Variants in KDM2B observed in about 807,000 individuals in gnomAD.
KDM2B encodes lysine demethylase 2B.
A neutral mutation model predicts 150.0 loss-of-function variants in KDM2B; 26 were observed. The observed-to-expected ratio is 0.17, with a 90% confidence interval of 0.13 to 0.24. The LOEUF (loss-of-function observed/expected upper bound fraction) is 0.24. KDM2B is among the 10% of genes least tolerant of loss of function. The pLI is 1.00. For missense variants in KDM2B, 1,265 were observed against 1,816.9 expected, an observed-to-expected ratio of 0.70 and a Z score of 5.52; for synonymous variants, 734 against 729.5, an observed-to-expected ratio of 1.01 and a Z score of -0.10.
At chr12:121,490,712 G>A (rs1435302858) in intron 12 of KDM2B, among the ~76,000 whole-genome samples, 3 of 152,168 alleles carry the variant, frequency 2.0e-5, no homozygotes, top group African/African-American at 2.4e-5. Flanking sequence ...TACACCACTC[G>A]TGGAAACAGC....
At chr12:121,571,785 G>T (rs1400650339) in intron 4 of KDM2B, among the ~76,000 whole-genome samples, 2 of 151,264 alleles carry the variant, frequency 1.3e-5, no homozygotes, top group Non-Finnish European at 3.0e-5. Flanking sequence ...CGAGTAGCTG[G>T]GATTACAGCC....
intron 11 of KDM2B, among the ~76,000 whole-genome samples, chr12:121,509,097 T>A (rs148559408): frequency 8.5e-5 from 13 of 152,238 alleles, no homozygotes; most frequent in Non-Finnish European, 1.8e-4. Flanking sequence ...CTTGCTCTGT[T>A]GCCCAGGCTG....
In KDM2B at chr12:121,453,886, A is replaced by T. The variant is rs1877770822; in HGVS notation, c.1735-542T>A. On this transcript the variant is annotated intron_variant, in intron 12 of 22. Transcript: ENST00000377071. The surrounding 1 kb of genome is among the most constrained non-coding windows in gnomAD (Gnocchi z 6.4). ...GAGGGCGCGTGCTTCTTGCCGCAGC[A>T]CACAGCTCGAGACCTTCCATGGCTG... Among the ~76,000 whole-genome samples the T allele has an allele frequency of 6.6e-6, 1 of 152,180 alleles. No individual in the cohort carries two copies.
intron 13 of KDM2B, among the ~76,000 whole-genome samples, chr12:121,450,710 A>C (rs1446278547): frequency 1.3e-5 from 2 of 152,134 alleles, no homozygotes; most frequent in Admixed American, 6.5e-5. Context: ...ATGCAAAAAA[A>C]TTAGCCAGGC....
intron 17 of KDM2B, 171 bp from the exon 18 acceptor site, chr12:121,443,201 G>A: frequency 1.5e-6 from 1 of 648,202 alleles, no homozygotes; most frequent in East Asian, 2.7e-5. Flanking sequence ...AGCCCTGCCT[G>A]CAGCTTTCAA....
chr12:121,574,137 C>T (rs1891319401), intron 4 of KDM2B, among the ~76,000 whole-genome samples: 1 of 152,122 alleles, frequency 6.6e-6, no homozygotes, highest in Non-Finnish European at 1.5e-5. Flanking sequence ...AGTTCCAAGC[C>T]CTGCCCCAGG....
chr12:121,566,828 C>T (rs1349530884), intron 4 of KDM2B, among the ~76,000 whole-genome samples: 2 of 152,090 alleles, frequency 1.3e-5, no homozygotes, highest in Admixed American at 1.3e-4. Context: ...AAACCTTCTG[C>T]TCATTCAAAG....
chr12:121,412,227 A>C, the KDM2B span, among the ~76,000 whole-genome samples: 2 of 131,612 alleles, frequency 1.5e-5, no homozygotes, highest in Admixed American at 1.6e-4. Flanking sequence ...ATGCCCAACT[A>C]ATCTTTTTTT....
chr12:121,473,657 T>G (rs1881011576), intron 12 of KDM2B, among the ~76,000 whole-genome samples: 1 of 142,218 alleles, frequency 7.0e-6, no homozygotes, highest in East Asian at 2.0e-4. Context: ...AGGCAGAGGT[T>G]GCAGTGAGAC....
intron 12 of KDM2B, among the ~76,000 whole-genome samples, chr12:121,471,493 C>T (rs1880766465): frequency 6.6e-6 from 1 of 152,200 alleles, no homozygotes; most frequent in Non-Finnish European, 1.5e-5. Flanking sequence ...AGAGGTTTTG[C>T]CCAGACTCAG....
At chr12:121,492,257 C>T (rs1485304074) in intron 12 of KDM2B, among the ~76,000 whole-genome samples, 2 of 152,122 alleles carry the variant, frequency 1.3e-5, no homozygotes, top group Non-Finnish European at 1.5e-5. Flanking sequence ...TGAAATTCAT[C>T]GGAATAATCC....
At chr12:121,515,922 A>C (rs1385572719) in intron 9 of KDM2B, among the ~76,000 whole-genome samples, 1 of 152,144 alleles carries the variant, frequency 6.6e-6, no homozygotes, top group Non-Finnish European at 1.5e-5. Context: ...TCCTTTCCTG[A>C]GAACCCCAGT....
At chr12:121,554,535 C>T (rs1213166792) in intron 4 of KDM2B, among the ~76,000 whole-genome samples, 3 of 151,972 alleles carry the variant, frequency 2.0e-5, no homozygotes, top group Admixed American at 6.6e-5. Context: ...CTCAGCCCCC[C>T]GAGTAGCTGG....
Position 121,453,367 on chromosome 12 carries a change from G to A in KDM2B, c.1735-23C>T. The stretch of plus-strand genomic sequence containing the variant: ...GTTCTGCAGGGGAACAGACACGACT[G>A]GTCAGATGGGGAGACTGCAGGCACG... On this transcript the variant is annotated intron_variant, in intron 12 of 22. Transcript: ENST00000377071. The surrounding 1 kb of genome is among the most constrained non-coding windows in gnomAD (Gnocchi z 6.4). The A allele has an allele frequency of 6.5e-7, 1 of 1,529,016 alleles. No homozygotes were observed. The allele number at this position is 1,529,016 out of a possible 1,614,324, so 94.7% of individuals were successfully genotyped here. A position where few individuals can be genotyped will look rare whatever the true frequency, so the allele number is the denominator to read the frequency against.
chr12:121,563,048 T>C (rs1163187032), intron 4 of KDM2B, among the ~76,000 whole-genome samples: 2 of 152,192 alleles, frequency 1.3e-5, no homozygotes, highest in African/African-American at 4.8e-5. Flanking sequence ...CCTGGTGCAA[T>C]GGCTCTCGCC....
chr12:121,440,299 C>CT (rs1874757324), intron 21 of KDM2B: 1 of 571,224 alleles, frequency 1.8e-6, no homozygotes, highest in South Asian at 2.0e-5. Context: ...CCTAGAAACA[C>CT]TATGCCCACA....
intron 4 of KDM2B, among the ~76,000 whole-genome samples, chr12:121,574,045 A>C (rs1370293856): frequency 6.6e-6 from 1 of 152,088 alleles, no homozygotes. Flanking sequence ...AATGCCACCT[A>C]CTACTGGCCG....
chr12:121,575,866 G>A lies in KDM2B; in HGVS notation c.272-7C>T. 2.5e-6 allele frequency: 4 copies of A among 1,605,320 alleles called. No individual in the cohort carries two copies. The highest frequency in any genetic ancestry group is 3.4e-6 in the Non-Finnish European group (4 of 1,171,936). On this transcript the variant is annotated splice_polypyrimidine_tract_variant and splice_region_variant and intron_variant, in intron 2 of 22. Coordinates refer to ENST00000377071, the MANE Select transcript of KDM2B (RefSeq NM_032590.5). The surrounding 1 kb of genome is among the most constrained non-coding windows in gnomAD (Gnocchi z 4.4). ...ACGTACTCATAGTTGAAATCTGTTTGGATATTTGAATTAAAACAAGTTGGT... is the reference window on the plus strand; with the variant it reads ...ACGTACTCATAGTTGAAATCTGTTTAGATATTTGAATTAAAACAAGTTGGT...
intron 12 of KDM2B, among the ~76,000 whole-genome samples, chr12:121,478,201 C>G (rs1259841673): frequency 6.6e-6 from 1 of 151,320 alleles, no homozygotes; most frequent in Non-Finnish European, 1.5e-5. Context: ...TTTTTATGTT[C>G]AGCAGTACAT....
Sources: allele counts gnomAD v4.1 joint callset (sites outside exome capture counted in the v4.1 genomes callset), GRCh38; gene constraint gnomAD v4.1.1; non-coding constraint Gnocchi (gnomAD v3.1); transcripts MANE v1.5; gene names NCBI Gene and HGNC (gene_info 2026-07-23, HGNC 2026-07-21).